IGF2R: variants seen among roughly 807,000 people sequenced by gnomAD.
IGF2R encodes insulin like growth factor 2 receptor.
IGF2R carries 91 observed loss-of-function variants against 270.6 expected under a neutral mutation model. The ratio of observed to expected loss-of-function variants is 0.34; its 90% CI spans 0.28 to 0.40. The LOEUF (loss-of-function observed/expected upper bound fraction) is 0.40, where lower values mean the gene tolerates loss of function less well. Ranked by LOEUF, IGF2R falls within the 10% of genes least tolerant of loss-of-function variation. The pLI, the probability that IGF2R is intolerant of heterozygous loss-of-function variation, is 1.00. For missense variants in IGF2R, 2,805 were observed against 3,188.3 expected, an observed-to-expected ratio of 0.88 and a Z score of 2.90; for synonymous variants, 1,316 against 1,258.9, an observed-to-expected ratio of 1.05 and a Z score of -0.96.
rs112674383 is a variant in IGF2R, at chr6:159,995,782, C to T, written c.289+4459C>T. ...TTTGACTTTCTCTTGGATCTTATTG[C>T]GCTTCTTTAAAATCAATATTTTGAA... On this transcript the variant is annotated intron_variant, in intron 2 of 47. Transcript: ENST00000356956. 5.5e-3 allele frequency among the ~76,000 whole-genome samples: 840 copies of T among 151,702 alleles called. 5 individuals carry two copies. The highest frequency in any genetic ancestry group is 8.4e-3 in the Non-Finnish European group (571 of 67,926).
rs1562339204 is a variant in IGF2R, at chr6:160,004,439, G to A, written c.290-4571G>A. On this transcript the variant is annotated intron_variant, in intron 2 of 47. Coordinates refer to ENST00000356956, the MANE Select transcript of IGF2R (RefSeq NM_000876.4). The surrounding 1 kb of genome is among the most constrained non-coding windows in gnomAD (Gnocchi z 5.2). ...TGAGGGCCTGGTGCAGCCTGGCATG[G>A]TGGTACCCTTGAGAGCGTGGCCTAG... 1 of 152,842 alleles carries A rather than the reference G, an allele frequency of 6.5e-6. No individual in the cohort carries two copies. The highest frequency in any genetic ancestry group is 1.5e-5 in the Non-Finnish European group (1 of 68,770). 9.5% of individuals were successfully genotyped at this position (152,842 alleles called of 1,614,324 possible).
chr6:160,019,924 C>G (rs1777394173), intron 4 of IGF2R, among the ~76,000 whole-genome samples: 1 of 152,160 alleles, frequency 6.6e-6, no homozygotes. Context: ...ACTTTTTCAT[C>G]TCTCCTATTC....
At chr6:160,061,358 C>G in intron 23 of IGF2R, 145 bp from the exon 24 acceptor site, 1 of 765,456 alleles carries the variant, frequency 1.3e-6, no homozygotes, top group South Asian at 1.7e-5. Context: ...TAGGCAAAGC[C>G]TCTCAGCCTC....
At chr6:160,072,735 A>G in intron 32 of IGF2R, 30 bp from the exon 33 acceptor site, 22 of 1,614,002 alleles carry the variant, frequency 1.4e-5, no homozygotes, top group Non-Finnish European at 1.9e-5. Flanking sequence ...CCCTGGAGTC[A>G]CTGTGTCCCC....
chr6:160,103,828 G>A lies in IGF2R; in HGVS notation c.7065+13G>A, dbSNP rs184104370. The A allele has an allele frequency of 1.3e-5, 20 of 1,594,874 alleles. No individual in the cohort carries two copies. In the Admixed American group the frequency reaches 2.7e-4, roughly 21 times the overall value. On this transcript the variant is annotated intron_variant, in intron 47 of 47. Transcript: ENST00000356956. Reference sequence around the variant, plus strand: ...CAAATACTCAAAGGTAATTTTCTGTGGCGAGTCTCTTGAAGGCCTGCCTCC... The same window carrying A: ...CAAATACTCAAAGGTAATTTTCTGTAGCGAGTCTCTTGAAGGCCTGCCTCC...
chr6:160,092,745 C>G (rs1008157780), intron 44 of IGF2R, among the ~76,000 whole-genome samples: 3 of 152,208 alleles, frequency 2.0e-5, no homozygotes, highest in Admixed American at 2.0e-4. Context: ...ATGTGGGGCC[C>G]TCCCGGAGCG....
intron 2 of IGF2R, chr6:160,005,995 C>T (rs1469776964): frequency 6.2e-6 from 1 of 160,806 alleles, no homozygotes; most frequent in South Asian, 1.3e-4. Flanking sequence ...CCCCTCGCCT[C>T]CTCATGCCCC....
rs8191838 is a variant in IGF2R, at chr6:160,060,313, G to A, written c.3092-234G>A. ...AGTGTGTAAACCTGTTGTAACACAGGCCACTGTTGCAGTGAGTGTGTAAAC... is the reference window on the plus strand; with the variant it reads ...AGTGTGTAAACCTGTTGTAACACAGACCACTGTTGCAGTGAGTGTGTAAAC... On this transcript the variant is annotated intron_variant, in intron 22 of 47. Transcript: ENST00000356956. 3.5e-3 allele frequency among the ~76,000 whole-genome samples: 536 copies of A among 152,390 alleles called. 5 individuals carry two copies. The highest frequency in any genetic ancestry group is 0.012 in the African/African-American group (510 of 41,604).
rs1446311538 is a variant in IGF2R at position 160,060,653 on chromosome 6, CACTT to C, written c.3203_3206del (p.Tyr1068LeufsTer28). 6.2e-7 allele frequency: 1 copy of C among 1,614,134 alleles called. No individual in the cohort carries two copies. The highest frequency in any genetic ancestry group is 8.5e-7 in the Non-Finnish European group (1 of 1,180,052). On this transcript the variant is annotated frameshift_variant, in exon 23 of 48. Transcript: ENST00000356956. LOFTEE classifies it high-confidence loss of function. ...TCGACTCTGGGCAAGGGATCCGAAA[CACTT>C]ACTTTGAGTTTGAAACCGCGTTGGC...
chr6:160,061,441 G>C (rs2115262392), intron 23 of IGF2R, 62 bp from the exon 24 acceptor site: 2 of 1,508,300 alleles, frequency 1.3e-6, no homozygotes, highest in East Asian at 4.5e-5. Context: ...AGGGTGAAAG[G>C]CAGTTCTTGA....
At chr6:159,975,191 G>A (rs1783670933) in intron 1 of IGF2R, among the ~76,000 whole-genome samples, 2 of 152,176 alleles carry the variant, frequency 1.3e-5, no homozygotes, top group East Asian at 1.9e-4. Flanking sequence ...TTCAATTTGG[G>A]GTTCCCAGAG....
chr6:160,070,822 G>A (rs1276047561), intron 31 of IGF2R, among the ~76,000 whole-genome samples: 2 of 151,090 alleles, frequency 1.3e-5, no homozygotes, highest in African/African-American at 4.9e-5. Flanking sequence ...AGCTTGGGAT[G>A]GGGGGCTCCA....
intron 39 of IGF2R, 32 bp downstream of exon 39, chr6:160,080,307 C>T: frequency 6.2e-7 from 1 of 1,603,414 alleles, no homozygotes; most frequent in Non-Finnish European, 8.5e-7. Flanking sequence ...CCCCACATGG[C>T]CTGGGGCCTT....
chr6:160,096,716 T>C (rs1779368516), intron 45 of IGF2R, 91 bp downstream of exon 45: 1 of 1,124,050 alleles, frequency 8.9e-7, no homozygotes, highest in Non-Finnish European at 1.3e-6. Flanking sequence ...TGTTTTCTTG[T>C]GAAATATTCA....
chr6:160,097,134 A>G (rs1033716710), intron 45 of IGF2R, among the ~76,000 whole-genome samples: 1 of 152,234 alleles, frequency 6.6e-6, no homozygotes, highest in Middle Eastern at 3.4e-3. Context: ...TGAAAAGCTT[A>G]CTCTCCAGAT....
At chr6:160,021,996 C>T (rs954683355) in intron 4 of IGF2R, among the ~76,000 whole-genome samples, 18 of 126,492 alleles carry the variant, frequency 1.4e-4, no homozygotes, top group African/African-American at 4.5e-4. Context: ...TGCCCACCAA[C>T]GGATGACTAG....
At chr6:160,027,145 C>T (rs200090642) in intron 5 of IGF2R, 40 bp from the exon 6 acceptor site, 4 of 1,612,442 alleles carry the variant, frequency 2.5e-6, no homozygotes, top group East Asian at 2.2e-5. Context: ...ATTATCACTC[C>T]TAACACCTAA....
intron 1 of IGF2R, among the ~76,000 whole-genome samples, chr6:159,986,894 A>G (rs941415572): frequency 2.6e-5 from 4 of 152,174 alleles, no homozygotes; most frequent in Admixed American, 6.5e-5. Flanking sequence ...ATAGTTTCCT[A>G]ATTCTGGCTG....
Position 160,104,679 on chromosome 6 carries a change from T to C in IGF2R, c.7071T>C (p.Asn2357=), listed in dbSNP as rs1474388705. 2.5e-6 allele frequency: 4 copies of C among 1,611,338 alleles called. No individual in the cohort carries two copies. Among genetic ancestry groups the C allele is most frequent in the Non-Finnish European group, 3.4e-6 (4 of 1,178,692 alleles). The change falls in exon 48 of 48, where the codon AAT becomes AAC. Residue 2357 remains asparagine, a synonymous_variant. Transcript: ENST00000356956. ...SNVSYKYSKV[N]KEEETDENET... ...CTGCTGTTGATCCCTGGCAGGTGAA[T>C]AAGGAAGAAGAGACAGATGAGAATG...
Sources: gnomAD v4.1 joint callset for allele counts (sites outside exome capture counted in the v4.1 genomes callset) on GRCh38, gnomAD v4.1.1 for gene constraint, Gnocchi (gnomAD v3.1) non-coding constraint, MANE v1.5 for transcripts, NCBI Gene and HGNC (gene_info 2026-07-23, HGNC 2026-07-21) for gene names.